Variants in GORASP2 observed in about 807,000 individuals in gnomAD.
The protein encoded by GORASP2 is golgi reassembly stacking protein 2, also known as Golgi reassembly-stacking protein 2.
GORASP2 carries 22 observed loss-of-function variants against 45.7 expected under a neutral mutation model. The ratio of observed to expected loss-of-function variants is 0.48; its 90% CI spans 0.34 to 0.69. The LOEUF is 0.69. Among genes scored for constraint, GORASP2 ranks in the 30% least tolerant of loss-of-function variants. GORASP2 has a pLI of 0.01. For synonymous variants in GORASP2, 221 were observed against 215.6 expected, an observed-to-expected ratio of 1.02 and a Z score of -0.22; for missense variants, 491 against 562.7, an observed-to-expected ratio of 0.87 and a Z score of 1.29.
chr2:170,930,530 C>T (rs1703794219), intron 1 of GORASP2, among the ~76,000 whole-genome samples: 2 of 152,166 alleles, frequency 1.3e-5, no homozygotes, highest in African/African-American at 2.4e-5. Flanking sequence ...TTAAATTGCC[C>T]AGCTGTCTAT....
At chr2:170,964,989 C>T (rs773915267) in intron 9 of GORASP2, among the ~76,000 whole-genome samples, 5 of 139,276 alleles carry the variant, frequency 3.6e-5, no homozygotes, top group Non-Finnish European at 7.6e-5. Flanking sequence ...GCAACCTCTG[C>T]GTCCTGGGTT....
In GORASP2 at chr2:170,949,737, G is replaced by A. The variant is rs1345689876; in HGVS notation, c.343G>A (p.Val115Met). ...FDGANENVWHVLEVESNSPAA... is the reference protein window; with the variant it reads ...FDGANENVWHMLEVESNSPAA... ...TGGGGCAAATGAAAATGTTTGGCATGTGCTGGTACGTATCAACTGTGAACT... is the reference window on the plus strand; with the variant it reads ...TGGGGCAAATGAAAATGTTTGGCATATGCTGGTACGTATCAACTGTGAACT... Residue 115 changes from valine (V) to methionine (M), a missense_variant, in exon 3 of 10, where the codon GTG becomes ATG. By Grantham distance (21) the Val-to-Met change is conservative (BLOSUM62 1). Transcript: ENST00000234160. 2 of 1,606,344 alleles carry A rather than the reference G, an allele frequency of 1.2e-6. No homozygotes were observed. Among genetic ancestry groups the A allele is most frequent in the Admixed American group, 1.7e-5 (1 of 60,002 alleles).
chr2:170,940,006 TAGA>T (rs5836314), intron 1 of GORASP2, among the ~76,000 whole-genome samples: 90,760 of 151,696 alleles, frequency 0.6, 28,887 homozygotes, highest in East Asian at 0.95. Flanking sequence ...GGGAGAGTGT[TAGA>T]AGAGATGATA....
intron 1 of GORASP2, among the ~76,000 whole-genome samples, chr2:170,930,175 C>T (rs1330038218): frequency 6.6e-6 from 1 of 152,202 alleles, no homozygotes; most frequent in Non-Finnish European, 1.5e-5. Flanking sequence ...CCTAGCTTAA[C>T]TTCCAGGACG....
chr2:170,934,898 CA>C (rs1402402103), intron 1 of GORASP2, among the ~76,000 whole-genome samples: 1 of 151,908 alleles, frequency 6.6e-6, no homozygotes, highest in Non-Finnish European at 1.5e-5. Flanking sequence ...CCACCGTGCC[CA>C]GCTAATTTTT....
Position 170,951,399 on chromosome 2 carries a change from C to G in GORASP2, c.507C>G (p.Asp169Glu). ...TGAAACTGTATGTGTACAACACAGACACTGATAACTGTCGAGAAGTGATTA... is the reference window on the plus strand; with the variant it reads ...TGAAACTGTATGTGTACAACACAGAGACTGATAACTGTCGAGAAGTGATTA... Reference protein sequence around the residue: ...KPLKLYVYNTDTDNCREVIIT... With the variant: ...KPLKLYVYNTETDNCREVIIT... Residue 169 changes from aspartate (D) to glutamate (E), a missense_variant, in exon 5 of 10, where the codon GAC (aspartate) becomes GAG (glutamate). By Grantham distance (45) the Asp-to-Glu change is conservative. Around this residue, in one of 2 missense-constraint regions of GORASP2, gnomAD observed 194 missense variants for 270.4 expected, o/e 0.72. Coordinates refer to ENST00000234160, the MANE Select transcript of GORASP2 (RefSeq NM_015530.5). 6.2e-7 allele frequency: 1 copy of G among 1,611,168 alleles called. No homozygotes were observed. The highest frequency in any genetic ancestry group is 8.5e-7 in the Non-Finnish European group (1 of 1,177,924).
chr2:170,955,761 G>A (rs923327773), intron 6 of GORASP2, among the ~76,000 whole-genome samples: 2 of 152,196 alleles, frequency 1.3e-5, no homozygotes, highest in African/African-American at 2.4e-5. Context: ...AACCTCTTTG[G>A]GTAGTCTGAG....
In GORASP2 at chr2:170,949,593, G is replaced by C. The variant is rs1465236981; in HGVS notation, c.199G>C (p.Val67Leu). The change falls in exon 3 of 10, where the codon GTA becomes CTA. Residue 67 changes from valine (V) to leucine (L), a missense_variant. This residue lies in a region of GORASP2 where 194 missense variants were observed against 270.4 expected (regional missense o/e 0.72). Coordinates refer to ENST00000234160, the MANE Select transcript of GORASP2 (RefSeq NM_015530.5). Reference sequence around the variant, plus strand: ...GCTGAAAGCAAACGTTGAAAAGCCTGTAAAGATGCTTATCTATAGCAGCAA... The same window carrying C: ...GCTGAAAGCAAACGTTGAAAAGCCTCTAAAGATGCTTATCTATAGCAGCAA... ...DLLKANVEKP[V>L]KMLIYSSKTL... 6.2e-7 allele frequency: 1 copy of C among 1,613,812 alleles called. No homozygotes were observed. The highest frequency in any genetic ancestry group is 8.5e-7 in the Non-Finnish European group (1 of 1,179,690).
intron 4 of GORASP2, 122 bp downstream of exon 4, chr2:170,950,412 ATAACT>A (rs1704272385): frequency 1.8e-6 from 1 of 541,252 alleles, no homozygotes; most frequent in Non-Finnish European, 3.3e-6. Flanking sequence ...CTGATCAAAA[ATAACT>A]TAAGCCTCAG....
chr2:170,935,244 T>C (rs903082933), intron 1 of GORASP2, among the ~76,000 whole-genome samples: 3 of 152,138 alleles, frequency 2.0e-5, no homozygotes, highest in Non-Finnish European at 4.4e-5. Flanking sequence ...AGTAGTTTCA[T>C]GTTGATTATA....
intron 8 of GORASP2, among the ~76,000 whole-genome samples, chr2:170,961,985 C>G (rs908437437): frequency 1.3e-5 from 2 of 152,178 alleles, no homozygotes; most frequent in African/African-American, 4.8e-5. Context: ...CTCCTTACCC[C>G]CAGCCAGCGG....
intron 1 of GORASP2, among the ~76,000 whole-genome samples, chr2:170,938,241 A>T (rs185435350): frequency 6.6e-6 from 1 of 152,264 alleles, no homozygotes; most frequent in Non-Finnish European, 1.5e-5. Context: ...TAGCATTTGC[A>T]TTATTGTGTA....
Position 170,930,351 on chromosome 2 carries a change from A to T in GORASP2, c.63+948A>T, listed in dbSNP as rs116769692. On this transcript the variant is annotated intron_variant, in intron 1 of 9. Transcript: ENST00000234160. ...CACCTGTGTGAGTGTTAACATGAACAGTCAACAGAGTGGCCGCAGCGTGTA... is the reference window on the plus strand; with the variant it reads ...CACCTGTGTGAGTGTTAACATGAACTGTCAACAGAGTGGCCGCAGCGTGTA... Among the ~76,000 whole-genome samples the T allele has an allele frequency of 5.8e-3, 877 of 152,344 alleles. 8 individuals are homozygous for T. The highest frequency in any genetic ancestry group is 0.02 in the African/African-American group (821 of 41,578).
At chr2:170,965,260 A>G (rs1704657909) in intron 9 of GORASP2, among the ~76,000 whole-genome samples, 1 of 152,134 alleles carries the variant, frequency 6.6e-6, no homozygotes, top group African/African-American at 2.4e-5. Flanking sequence ...TGTAATATAA[A>G]TAGTTATCAA....
At chr2:170,929,684 C>T in intron 1 of GORASP2, 1 of 632,704 alleles carries the variant, frequency 1.6e-6, no homozygotes, top group Non-Finnish European at 3.0e-6. Flanking sequence ...GAAGGGGGGA[C>T]AACCTTGCTC....
At chr2:170,958,511 T>C (rs1176674262) in intron 7 of GORASP2, among the ~76,000 whole-genome samples, 1 of 152,196 alleles carries the variant, frequency 6.6e-6, no homozygotes, top group Non-Finnish European at 1.5e-5. Flanking sequence ...TTACGATTTT[T>C]TGCCTACATC....
At chr2:170,959,915 G>A (rs1016507336) in intron 7 of GORASP2, among the ~76,000 whole-genome samples, 1 of 145,794 alleles carries the variant, frequency 6.9e-6, no homozygotes, top group African/African-American at 2.5e-5. Context: ...TCCACCTCCT[G>A]GGTTCAAGTG....
rs763011045 is a variant in GORASP2 at position 170,951,496 on chromosome 2, A to C, written c.566+38A>C. On this transcript the variant is annotated intron_variant, in intron 5 of 9. Transcript: ENST00000234160. ...TTTAGACTAAGTTATGACTGCTTAA[A>C]CATACCAGTCAGATATGTTGCAGAC... 5.1e-5 allele frequency: 76 copies of C among 1,485,202 alleles called. 1 individual carries two copies. Among genetic ancestry groups the C allele is most frequent in the Non-Finnish European group, 6.9e-5 (75 of 1,087,454 alleles). The allele number at this position is 1,485,202 out of a possible 1,614,324, so 92.0% of individuals were successfully genotyped here.
intron 1 of GORASP2, among the ~76,000 whole-genome samples, chr2:170,935,262 T>C (rs948839150): frequency 6.6e-6 from 1 of 152,060 alleles, no homozygotes; most frequent in African/African-American, 2.4e-5. Flanking sequence ...ATATACACTT[T>C]TTTTTTCTTT....
Sources: allele counts gnomAD v4.1 joint callset (sites outside exome capture counted in the v4.1 genomes callset), GRCh38; gene constraint gnomAD v4.1.1; regional missense constraint gnomAD v4.1.1; transcripts MANE v1.5; gene names NCBI Gene and HGNC (gene_info 2026-07-23, HGNC 2026-07-21).